ABCC8: variants seen among roughly 807,000 people sequenced by gnomAD.
ABCC8 encodes ATP binding cassette subfamily C member 8.
ABCC8 carries 137 observed loss-of-function variants against 188.0 expected under a neutral mutation model. That is an observed-to-expected ratio of 0.73 (90% CI 0.63 to 0.84). ABCC8 has a LOEUF of 0.84. ABCC8 is among the 40% of genes least tolerant of loss of function. ABCC8 has a pLI of 0.00. For synonymous variants in ABCC8, 797 were observed against 846.5 expected (o/e 0.94, Z 1.01); for missense variants, 1,750 against 2,072.7 (o/e 0.84, Z 3.02).
At chr11:17,429,738 G>A (rs562349849) in intron 12 of ABCC8, 2 of 152,302 alleles carry the variant, frequency 1.3e-5, no homozygotes, top group East Asian at 3.9e-4. Context: ...GTGGTGGGAG[G>A]AGGGGTGATC....
chr11:17,473,981 G>T (rs764335852), intron 2 of ABCC8, among the ~76,000 whole-genome samples: 13 of 152,146 alleles, frequency 8.5e-5, no homozygotes, highest in Admixed American at 4.6e-4. Context: ...CCCCTGCGCT[G>T]CTCCCTAGCC....
intron 16 of ABCC8, among the ~76,000 whole-genome samples, chr11:17,423,110 G>T (rs572205908): frequency 1.3e-5 from 2 of 152,120 alleles, no homozygotes; most frequent in East Asian, 3.9e-4. Flanking sequence ...TGTAATCCCA[G>T]CACTTTGGGA....
At chr11:17,435,888 A>G in intron 10 of ABCC8, 1 of 1,316,870 alleles carries the variant, frequency 7.6e-7, no homozygotes, top group South Asian at 1.2e-5. Context: ...ATTCCAAATA[A>G]GACTCAAAGT....
chr11:17,399,293 A>ACC lies in ABCC8; in HGVS notation c.3651-853_3651-852insGG, dbSNP rs1190468617. On this transcript the variant is annotated intron_variant, in intron 29 of 38. Transcript: ENST00000389817. ...TCTGCCTCAAAAAAAAAAAAAAAAAAAAAAAAAAAAACAAATAAAAAAGAA... is the reference window on the plus strand; with the variant it reads ...TCTGCCTCAAAAAAAAAAAAAAAAAACCAAAAAAAAAAACAAATAAAAAAGAA... Among the ~76,000 whole-genome samples, 2 of 134,922 alleles carry ACC rather than the reference A, an allele frequency of 1.5e-5. 1 individual carries two copies. The highest frequency in any genetic ancestry group is 7.3e-5 in the African/African-American group (2 of 27,484). The allele number at this position is 134,922 out of a possible 152,430, so 88.5% of individuals were successfully genotyped here. A position where few individuals can be genotyped will look rare whatever the true frequency, so the allele number is the denominator to read the frequency against.
At chr11:17,425,450 C>G (rs1955538831) in intron 16 of ABCC8, among the ~76,000 whole-genome samples, 1 of 152,164 alleles carries the variant, frequency 6.6e-6, no homozygotes, top group Non-Finnish European at 1.5e-5. Flanking sequence ...AATAATTTTC[C>G]CCTAGAAATG....
rs144348011 is a variant in ABCC8 at position 17,406,644 on chromosome 11, G to C, written c.3307C>G (p.Arg1103Gly). ...AKRLHRSLLN[R>G]IILAPMRFFE... is the part of the protein sequence containing the mutation. Reference sequence around the variant, plus strand: ...TACCTCATGGGGGCTAGGATGATCCGGTTTAGCAGGCTGCGGTGCAGTCTC... The same window carrying C: ...TACCTCATGGGGGCTAGGATGATCCCGTTTAGCAGGCTGCGGTGCAGTCTC... Residue 1103 changes from arginine to glycine, a missense_variant, in exon 26 of 39, where the codon CGG becomes GGG. Transcript: ENST00000389817. 6.2e-7 allele frequency: 1 copy of C among 1,614,146 alleles called. No individual in the cohort carries two copies.
At chr11:17,396,878 G>C in intron 33 of ABCC8, 38 bp downstream of exon 33, 1 of 1,610,886 alleles carries the variant, frequency 6.2e-7, no homozygotes, top group Non-Finnish European at 8.5e-7. Flanking sequence ...CCCTGCTCAC[G>C]CCTGTCCTGC....
chr11:17,454,707 T>A (rs1564966241), intron 6 of ABCC8, among the ~76,000 whole-genome samples: 1 of 152,172 alleles, frequency 6.6e-6, no homozygotes, highest in African/African-American at 2.4e-5. Flanking sequence ...TAGCCCCATT[T>A]CATACATGAA....
rs373606334 is a variant in ABCC8 at position 17,464,341 on chromosome 11, G to C, written c.413-737C>G. On this transcript the variant is annotated intron_variant, in intron 3 of 38. Transcript: ENST00000389817. ...ATGATGATGGAGCAGGGGCATGGGG[G>C]ATACGGAAAGAGCCAGCCACAGTTC... Among the ~76,000 whole-genome samples the C allele has an allele frequency of 6.0e-4, 91 of 152,352 alleles. 1 individual carries two copies. The East Asian group carries it at 0.016, about 26-fold the overall frequency.
intron 10 of ABCC8, among the ~76,000 whole-genome samples, chr11:17,439,920 TG>T (rs1296440916): frequency 6.6e-6 from 1 of 152,196 alleles, no homozygotes; most frequent in Non-Finnish European, 1.5e-5. Context: ...CTGGGGGCTC[TG>T]GGGGACAATG....
At chr11:17,438,559 A>G (rs1044197000) in intron 10 of ABCC8, among the ~76,000 whole-genome samples, 1 of 152,164 alleles carries the variant, frequency 6.6e-6, no homozygotes, top group African/African-American at 2.4e-5. Context: ...GCCTGATAGG[A>G]CCTAGGACCC....
chr11:17,461,176 C>A (rs1957175269), intron 5 of ABCC8: 1 of 342,730 alleles, frequency 2.9e-6, no homozygotes, highest in Non-Finnish European at 5.6e-6. Flanking sequence ...CTGTCTGGCT[C>A]AACTCATAGA....
At chr11:17,445,242 T>G in intron 8 of ABCC8, among the ~76,000 whole-genome samples, 1 of 152,204 alleles carries the variant, frequency 6.6e-6, no homozygotes, top group East Asian at 1.9e-4. Context: ...GCCCAAATGT[T>G]TGAGCAAGCA....
At chr11:17,456,063 A>G (rs1349443614) in intron 6 of ABCC8, among the ~76,000 whole-genome samples, 1 of 151,944 alleles carries the variant, frequency 6.6e-6, no homozygotes, top group Non-Finnish European at 1.5e-5. Context: ...GGGAGGGGAT[A>G]TGATAGCACT....
chr11:17,440,682 G>T (rs1393287781), intron 10 of ABCC8, among the ~76,000 whole-genome samples: 1 of 152,248 alleles, frequency 6.6e-6, no homozygotes, highest in African/African-American at 2.4e-5. Context: ...CACCATGTAT[G>T]GCAGACGGCC....
chr11:17,466,356 A>G (rs1359039145), intron 3 of ABCC8, among the ~76,000 whole-genome samples: 9 of 144,756 alleles, frequency 6.2e-5, no homozygotes, highest in African/African-American at 2.1e-4. Context: ...CCGAGATTGC[A>G]CCACTGCACT....
rs72559730 is a variant in ABCC8 at position 17,461,663 on chromosome 11, G to T, written c.742C>A (p.Arg248=). ...KTAHKKPIDL[R]AIGKLPIAMR... ...GCGATGGGCAGCTTCCCGATGGCTC[G>T]CAAGTCGATGGGCTTCTTGTGGGCA... The change falls in exon 5 of 39, where the codon CGA becomes AGA. Residue 248 remains arginine (R), a synonymous_variant. Transcript: ENST00000389817. The T allele has an allele frequency of 1.2e-6, 2 of 1,614,224 alleles. No homozygotes were observed. Among genetic ancestry groups the T allele is most frequent in the South Asian group, 2.2e-5 (2 of 91,088 alleles).
Position 17,396,988 on chromosome 11 carries a change from C to T in ABCC8, c.4047G>A (p.Leu1349=), listed in dbSNP as rs756686757. The T allele has an allele frequency of 4.3e-6, 7 of 1,614,118 alleles. No homozygotes were observed. The highest frequency in any genetic ancestry group is 3.3e-5 in the South Asian group (3 of 91,086). The change falls in exon 33 of 39, where the codon CTG becomes CTA. Residue 1349 remains leucine (L), a synonymous_variant. Transcript: ENST00000389817. ...PDQGKIQIQN[L]SVRYDSSLKP... Reference sequence around the variant, plus strand: ...TCAGGGAGCTGTCGTAGCGCACGCTCAGGTTCTGGATCTGGATCTTCCCTT... The same window carrying T: ...TCAGGGAGCTGTCGTAGCGCACGCTTAGGTTCTGGATCTGGATCTTCCCTT...
intron 22 of ABCC8, among the ~76,000 whole-genome samples, chr11:17,409,235 G>A (rs947420647): frequency 6.6e-6 from 1 of 152,040 alleles, no homozygotes; most frequent in Admixed American, 6.6e-5. Flanking sequence ...GGGATTACAG[G>A]CATTAGCCAC....
Sources: gnomAD v4.1 joint callset for allele counts (sites outside exome capture counted in the v4.1 genomes callset) on GRCh38, gnomAD v4.1.1 for gene constraint, MANE v1.5 for transcripts, NCBI Gene and HGNC (gene_info 2026-07-23, HGNC 2026-07-21) for gene names.